KLHL14: variants seen among roughly 807,000 people sequenced by gnomAD.
KLHL14 encodes kelch-like protein 14.
KLHL14 carries 22 observed loss-of-function variants against 64.3 expected under a neutral mutation model. That is an observed-to-expected ratio of 0.34 (90% CI 0.24 to 0.49). KLHL14 has a LOEUF of 0.49. Among genes scored for constraint, KLHL14 ranks in the 20% least tolerant of loss-of-function variants. KLHL14 has a pLI of 0.99. For synonymous variants in KLHL14, 322 were observed against 333.4 expected, an observed-to-expected ratio of 0.97 and a Z score of 0.37; for missense variants, 661 against 789.0, an observed-to-expected ratio of 0.84 and a Z score of 1.94.
chr18:32,746,076 C>G (rs919275303), intron 2 of KLHL14, among the ~76,000 whole-genome samples: 1 of 152,168 alleles, frequency 6.6e-6, no homozygotes, highest in South Asian at 2.1e-4. Flanking sequence ...ACATAGGGAA[C>G]CAATTTAGCC....
chr18:32,763,711 C>T (rs2050326350), intron 2 of KLHL14, among the ~76,000 whole-genome samples: 1 of 152,130 alleles, frequency 6.6e-6, no homozygotes, highest in Non-Finnish European at 1.5e-5. Context: ...TTTAAAATTA[C>T]CTATATTTTT....
At chr18:32,714,387 AG>A (rs2050034604) in intron 3 of KLHL14, among the ~76,000 whole-genome samples, 2 of 152,154 alleles carry the variant, frequency 1.3e-5, no homozygotes, top group South Asian at 4.1e-4. Context: ...CTTTCATCCA[AG>A]TTGCCCACTT....
rs1436957358 is a variant in KLHL14, at chr18:32,770,484, G to A, written c.108C>T (p.Thr36=). 3 of 1,612,134 alleles carry A rather than the reference G, an allele frequency of 1.9e-6. No homozygotes were observed. Among genetic ancestry groups the A allele is most frequent in the Admixed American group, 3.3e-5 (2 of 59,948 alleles). The part of the protein sequence containing the change: ...LWRKQLFCDV[T]LTAQGQQFHC... ...GGAACTGCTGGCCCTGGGCCGTCAGGGTCACGTCGCAAAACAGCTGCTTCC... is the reference window on the plus strand; with the variant it reads ...GGAACTGCTGGCCCTGGGCCGTCAGAGTCACGTCGCAAAACAGCTGCTTCC... Residue 36 remains threonine, a synonymous_variant, in exon 2 of 9, where the codon ACC becomes ACT. Transcript: ENST00000359358. This position sits in a 1 kb window ranked among gnomAD's most constrained non-coding sequence, Gnocchi z 6.7.
intron 3 of KLHL14, among the ~76,000 whole-genome samples, chr18:32,710,162 TACAA>T (rs1288052327): frequency 1.3e-5 from 2 of 152,214 alleles, no homozygotes; most frequent in East Asian, 3.8e-4. Flanking sequence ...CAAGCCTCAT[TACAA>T]ACAAACTGTA....
In KLHL14 at chr18:32,680,288, C is replaced by T; in HGVS notation, c.1469G>A (p.Cys490Tyr). The change falls in exon 7 of 9, where the codon TGC becomes TAC. Residue 490 changes from cysteine to tyrosine, a missense_variant. Around this residue, in one of 2 missense-constraint regions of KLHL14, gnomAD observed 330 missense variants for 450.0 expected, o/e 0.73. Coordinates refer to ENST00000359358, the MANE Select transcript of KLHL14 (RefSeq NM_020805.3). The surrounding 1 kb of genome is among the most constrained non-coding windows in gnomAD (Gnocchi z 4.8). Reference protein sequence around the residue: ...HNGEYVPWLYCYDPVMDVWAR... With the variant: ...HNGEYVPWLYYYDPVMDVWAR... ...CCAGACATCCATTACTGGGTCATAG[C>T]AATATAGCCATGGGACATATTCTCC... The T allele has an allele frequency of 6.2e-7, 1 of 1,613,870 alleles. No individual in the cohort carries two copies. Among genetic ancestry groups the T allele is most frequent in the Admixed American group, 1.7e-5 (1 of 59,992 alleles).
chr18:32,722,685 AG>A (rs2050085710), intron 3 of KLHL14, among the ~76,000 whole-genome samples: 1 of 152,198 alleles, frequency 6.6e-6, no homozygotes, highest in African/African-American at 2.4e-5. Context: ...AAATCAGGCC[AG>A]GTACAGTGGT....
intron 2 of KLHL14, among the ~76,000 whole-genome samples, chr18:32,759,395 A>AAT (rs1018561903): frequency 5.3e-5 from 8 of 152,132 alleles, no homozygotes; most frequent in Admixed American, 2.0e-4. Context: ...CAGAAAGGCA[A>AAT]ATATATATAT....
intron 3 of KLHL14, among the ~76,000 whole-genome samples, chr18:32,724,688 T>C (rs1307154224): frequency 6.6e-6 from 1 of 152,234 alleles, no homozygotes; most frequent in Non-Finnish European, 1.5e-5. Context: ...TCTTCGTCTA[T>C]GTTAGCCTCA....
intron 3 of KLHL14, among the ~76,000 whole-genome samples, chr18:32,709,594 G>T (rs2050008913): frequency 6.6e-6 from 1 of 152,040 alleles, no homozygotes; most frequent in Non-Finnish European, 1.5e-5. Flanking sequence ...GACTATAGGT[G>T]TGTGCCATCA....
rs566005519 is a variant in KLHL14 at position 32,682,279 on chromosome 18, T to C, written c.1239-1680A>G. 9.8e-5 allele frequency among the ~76,000 whole-genome samples: 15 copies of C among 152,338 alleles called. No individual in the cohort carries two copies. In the East Asian group the frequency reaches 1.9e-3, roughly 20 times the overall value. On this transcript the variant is annotated intron_variant, in intron 5 of 8. Transcript: ENST00000359358. Reference sequence around the variant, plus strand: ...TAATTTTAGAGCAATATTTTAGTTATGTTTGCTTTTTCTAGATTTTCTTGA... The same window carrying C: ...TAATTTTAGAGCAATATTTTAGTTACGTTTGCTTTTTCTAGATTTTCTTGA...
In KLHL14 at chr18:32,745,619, G is replaced by A. The variant is rs183475648; in HGVS notation, c.948-3570C>T. The A allele has an allele frequency of 9.8e-4, 149 of 152,278 alleles. 1 individual carries two copies. The highest frequency in any genetic ancestry group is 3.4e-3 in the African/African-American group (141 of 41,556). 9.4% of individuals were successfully genotyped at this position (152,278 alleles called of 1,614,324 possible). ...CTTATTGCTTAAGAATAATACAAAT[G>A]AGAATAACCATCACATATTTTACTT... On this transcript the variant is annotated intron_variant, in intron 2 of 8. Coordinates refer to ENST00000359358, the MANE Select transcript of KLHL14 (RefSeq NM_020805.3).
At chr18:32,693,413 C>CACAGAGAGAGAGAGAGAGAG (rs1229737083) in intron 4 of KLHL14, among the ~76,000 whole-genome samples, 2 of 97,018 alleles carry the variant, frequency 2.1e-5, no homozygotes, top group African/African-American at 9.7e-5. Context: ...CACACACACA[C>CACAGAGAGAGAGAGAGAGAG]AGAGAGAGAG....
At chr18:32,733,936 G>A (rs1598568883) in intron 3 of KLHL14, 1 of 543,568 alleles carries the variant, frequency 1.8e-6, no homozygotes, top group East Asian at 3.0e-5. Context: ...ATGTGTGAGG[G>A]ACCAGATAAT....
intron 1 of KLHL14, among the ~76,000 whole-genome samples, chr18:32,771,661 G>A (rs2050386208): frequency 6.6e-6 from 1 of 152,210 alleles, no homozygotes; most frequent in South Asian, 2.1e-4. Flanking sequence ...AGGGAGCCGG[G>A]AGGCCTGGAG....
intron 3 of KLHL14, among the ~76,000 whole-genome samples, chr18:32,725,304 A>C (rs940595477): frequency 4.6e-5 from 7 of 152,186 alleles, no homozygotes; most frequent in Non-Finnish European, 1.5e-5. Context: ...TGCTGGAATT[A>C]CAGGTGTAAG....
chr18:32,723,526 G>T (rs1232092122), intron 3 of KLHL14, among the ~76,000 whole-genome samples: 9 of 152,130 alleles, frequency 5.9e-5, no homozygotes, highest in Admixed American at 5.9e-4. Flanking sequence ...CTTAATGAAG[G>T]TCCTTAGTTG....
intron 2 of KLHL14, 97 bp downstream of exon 2, chr18:32,769,548 G>T: frequency 9.5e-7 from 1 of 1,052,662 alleles, no homozygotes; most frequent in Non-Finnish European, 1.3e-6. Context: ...ACCCGCCCAG[G>T]CCACCCATCT....
intron 5 of KLHL14, among the ~76,000 whole-genome samples, chr18:32,685,537 C>A (rs562578629): frequency 6.6e-6 from 1 of 152,096 alleles, no homozygotes; most frequent in Non-Finnish European, 1.5e-5. Flanking sequence ...ATAACAGCAA[C>A]CAGGAAGTAA....
At chr18:32,681,721 T>A (rs1490641234) in intron 5 of KLHL14, among the ~76,000 whole-genome samples, 7 of 152,352 alleles carry the variant, frequency 4.6e-5, no homozygotes, top group African/African-American at 1.7e-4. Context: ...AGATTCTTGT[T>A]CAATGTCGAT....
Sources: allele counts gnomAD v4.1 joint callset (sites outside exome capture counted in the v4.1 genomes callset), GRCh38; gene constraint gnomAD v4.1.1; regional missense constraint gnomAD v4.1.1; non-coding constraint Gnocchi (gnomAD v3.1); transcripts MANE v1.5; gene names NCBI Gene and HGNC (gene_info 2026-07-23, HGNC 2026-07-21).